The following ADCY10 variants were observed in gnomAD, a reference collection of about 807,000 sequenced individuals.
ADCY10 encodes the protein adenylate cyclase type 10.
Under a neutral mutation model 183.3 loss-of-function variants are expected in ADCY10, and 156 were observed. The observed-to-expected ratio is 0.85, with a 90% CI of 0.75 to 0.97. The LOEUF (loss-of-function observed/expected upper bound fraction) is 0.97, where lower values mean the gene tolerates loss of function less well. ADCY10 is among the 50% of genes least tolerant of loss of function. The pLI, the probability that ADCY10 is intolerant of heterozygous loss-of-function variation, is 0.00. For missense variants in ADCY10, 1,745 were observed against 1,934.3 expected (o/e 0.90, Z 1.84); for synonymous variants, 645 against 670.0 (o/e 0.96, Z 0.58).
At chr1:167,887,463 C>T (rs190270393) in intron 8 of ADCY10, among the ~76,000 whole-genome samples, 305 of 152,248 alleles carry the variant, frequency 2.0e-3, no homozygotes, top group African/African-American at 6.9e-3. Flanking sequence ...CCAAACACCA[C>T]ATGTTCTCAC....
rs1464103048 is a variant in ADCY10 at position 167,824,520 on chromosome 1, A to T, written c.4008T>A (p.Tyr1336Ter). Residue 1336 changes from tyrosine (Y) to a stop codon, truncating the protein, a stop_gained, in exon 28 of 33, where the codon TAT (tyrosine) becomes TAA (stop). Coordinates refer to ENST00000367851, the MANE Select transcript of ADCY10 (RefSeq NM_018417.6). LOFTEE classifies it high-confidence loss of function. ...ATCTGCTAAGTCTGCAGAGGGACTG[A>T]TAATGTCGGTTGGGATTCTGGAGCA... ...WALLQNPNRH[Y>*]QSLCRLSRCL... is the part of the protein sequence containing the mutation. 6.2e-7 allele frequency: 1 copy of T among 1,614,210 alleles called. No homozygotes were observed. The highest frequency in any genetic ancestry group is 8.5e-7 in the Non-Finnish European group (1 of 1,180,024).
intron 16 of ADCY10, 38 bp from the exon 17 acceptor site, chr1:167,856,477 GGAC>G: frequency 1.2e-6 from 2 of 1,611,970 alleles, no homozygotes; most frequent in South Asian, 2.2e-5. Context: ...AAACACCATA[GGAC>G]GTCAGGTTTT....
At chr1:167,856,094 A>C in intron 17 of ADCY10, 71 bp downstream of exon 17, 1 of 1,544,842 alleles carries the variant, frequency 6.5e-7, no homozygotes. Context: ...CATACTAAGA[A>C]ATCTGATGAA....
intron 7 of ADCY10, among the ~76,000 whole-genome samples, chr1:167,895,813 C>T (rs1005727422): frequency 3.9e-5 from 6 of 151,914 alleles, no homozygotes; most frequent in South Asian, 2.1e-4. Context: ...AAGTTAAGCA[C>T]GAATAAATGG....
chr1:167,873,793 G>T (rs1050524559), intron 13 of ADCY10, among the ~76,000 whole-genome samples: 1 of 152,112 alleles, frequency 6.6e-6, no homozygotes, highest in African/African-American at 2.4e-5. Context: ...GGTAAGGAAA[G>T]GTATCTCAAA....
intron 21 of ADCY10, among the ~76,000 whole-genome samples, chr1:167,838,038 G>T (rs1312514005): frequency 2.0e-5 from 3 of 152,202 alleles, no homozygotes; most frequent in Admixed American, 6.5e-5. Context: ...CTTGTCTCAG[G>T]TCATACATCT....
chr1:167,880,694 G>A (rs905711352), intron 9 of ADCY10, 85 bp from the exon 10 acceptor site: 13 of 938,880 alleles, frequency 1.4e-5, no homozygotes, highest in African/African-American at 6.5e-5. Context: ...GAGAGCCGGC[G>A]GCAATTTTTG....
chr1:167,874,112 A>G (rs1224106776), intron 13 of ADCY10, among the ~76,000 whole-genome samples: 1 of 152,210 alleles, frequency 6.6e-6, no homozygotes, highest in Non-Finnish European at 1.5e-5. Context: ...CAAGTGGATC[A>G]CTTGAAGTTA....
At chr1:167,909,042 T>C (rs1228826300) in intron 1 of ADCY10, among the ~76,000 whole-genome samples, 1 of 152,164 alleles carries the variant, frequency 6.6e-6, no homozygotes, top group African/African-American at 2.4e-5. Context: ...TTTCCAGAAG[T>C]TTTTCTCATG....
In ADCY10 at chr1:167,880,518, T is replaced by A. The variant is rs1667801744; in HGVS notation, c.1112A>T (p.Asp371Val). ...HALECAMDIF[D>V]FCSQVHKIQT... ...GATTTTGTGGACTTGAGAGCAGAAG[T>A]CAAATATATCCATAGCACATTCCAG... Residue 371 changes from aspartate (D) to valine (V), a missense_variant, in exon 10 of 33, where the codon GAC becomes GTC. Physicochemically the swap from Asp to Val is radical, Grantham distance 152. Transcript: ENST00000367851. 6.2e-7 allele frequency: 1 copy of A among 1,613,792 alleles called. No individual in the cohort carries two copies. The highest frequency in any genetic ancestry group is 1.3e-5 in the African/African-American group (1 of 74,844).
At chr1:167,841,811 C>G (rs1664673568) in intron 21 of ADCY10, among the ~76,000 whole-genome samples, 1 of 152,198 alleles carries the variant, frequency 6.6e-6, no homozygotes, top group South Asian at 2.1e-4. Context: ...CCACTGTCTA[C>G]TTTTCTCCAA....
At chr1:167,869,445 C>T (rs1427626111) in intron 14 of ADCY10, among the ~76,000 whole-genome samples, 1 of 151,990 alleles carries the variant, frequency 6.6e-6, no homozygotes, top group Non-Finnish European at 1.5e-5. Flanking sequence ...GAGAGAGACC[C>T]TCTCATATTG....
rs1490964680 is a variant in ADCY10 at position 167,829,346 on chromosome 1, A to G, written c.3671T>C (p.Leu1224Pro). The G allele has an allele frequency of 6.2e-7, 1 of 1,614,192 alleles. No individual in the cohort carries two copies. The highest frequency in any genetic ancestry group is 8.5e-7 in the Non-Finnish European group (1 of 1,179,980). ...GTGGGCATAATACTTGCAGTGAAAA[A>G]GATAACTGTAGCTATAGATGCGCCA... ...LLWRIYSYSY[L>P]FHCKYYAHLA... Residue 1224 changes from leucine to proline, a missense_variant, in exon 26 of 33, where the codon CTT (leucine) becomes CCT (proline). Physicochemically the swap from Leu to Pro is moderately conservative, Grantham distance 98. Coordinates refer to ENST00000367851, the MANE Select transcript of ADCY10 (RefSeq NM_018417.6).
chr1:167,869,801 C>T (rs1022311494), intron 14 of ADCY10, among the ~76,000 whole-genome samples: 4 of 151,918 alleles, frequency 2.6e-5, no homozygotes, highest in African/African-American at 7.3e-5. Flanking sequence ...TTGACGAGCT[C>T]GGATTTTGAG....
rs1378681055 is a variant in ADCY10, at chr1:167,809,814, A to C, written c.4697T>G (p.Leu1566Ter). 1.7e-5 allele frequency: 28 copies of C among 1,614,070 alleles called. No individual in the cohort carries two copies. The highest frequency in any genetic ancestry group is 2.3e-5 in the Non-Finnish European group (27 of 1,180,024). ...CGTCTGAAGCCATTGGTCTTCTTTT[A>C]ACTCAGAGGTTGAGTACCATGATTC... Reference protein sequence around the residue: ...NKESWYSTSELKEDQWLQTIL... With the variant: ...NKESWYSTSE Residue 1566 changes from leucine to a stop codon, truncating the protein, a stop_gained, in exon 33 of 33, where the codon TTA becomes TGA. Coordinates refer to ENST00000367851, the MANE Select transcript of ADCY10 (RefSeq NM_018417.6). LOFTEE classifies it low-confidence loss of function (END_TRUNC).
chr1:167,880,813 C>T (rs1452523459), intron 9 of ADCY10, among the ~76,000 whole-genome samples: 1 of 152,164 alleles, frequency 6.6e-6, no homozygotes, highest in Non-Finnish European at 1.5e-5. Context: ...TTGAGAAGGG[C>T]TTGTTTTGCT....
In ADCY10 at chr1:167,903,952, T is replaced by C. The variant is rs758512541; in HGVS notation, c.188A>G (p.Tyr63Cys). ...AMTEKFSSAM[Y>C]MDRGAEQLVE... ...CAACTGCTCAGCCCCTCTGTCCATG[T>C]ACATGGCACTGCTGAACTTCTCAGT... Residue 63 changes from tyrosine (Y) to cysteine (C), a missense_variant, in exon 3 of 33, where the codon TAC (tyrosine) becomes TGC (cysteine). Transcript: ENST00000367851. The C allele has an allele frequency of 6.2e-7, 1 of 1,614,080 alleles. No individual in the cohort carries two copies. Among genetic ancestry groups the C allele is most frequent in the Non-Finnish European group, 8.5e-7 (1 of 1,179,928 alleles).
At chr1:167,877,681 T>C (rs551647014) in intron 12 of ADCY10, among the ~76,000 whole-genome samples, 2 of 152,022 alleles carry the variant, frequency 1.3e-5, no homozygotes, top group African/African-American at 2.4e-5. Context: ...TAGAAGCATA[T>C]GCTATAGGAG....
chr1:167,907,560 A>G (rs1329658850), intron 1 of ADCY10, among the ~76,000 whole-genome samples: 1 of 152,208 alleles, frequency 6.6e-6, no homozygotes, highest in Non-Finnish European at 1.5e-5. Flanking sequence ...AGCAAATTAC[A>G]TGACCATGCC....
Sources: gnomAD v4.1 joint callset for allele counts (sites outside exome capture counted in the v4.1 genomes callset) on GRCh38, gnomAD v4.1.1 for gene constraint, MANE v1.5 for transcripts, NCBI Gene and HGNC (gene_info 2026-07-23, HGNC 2026-07-21) for gene names.